MFAP1: variants seen among roughly 807,000 people sequenced by gnomAD.
MFAP1 encodes the protein microfibrillar-associated protein 1.
MFAP1 carries 18 observed loss-of-function variants against 62.2 expected under a neutral mutation model. That is an observed-to-expected ratio of 0.29 (90% CI 0.20 to 0.43). MFAP1 has a LOEUF of 0.43. Ranked by LOEUF, MFAP1 falls within the 20% of genes least tolerant of loss-of-function variation. MFAP1 has a pLI of 1.00. For synonymous variants in MFAP1, 175 were observed against 180.4 expected (o/e 0.97, Z 0.24); for missense variants, 355 against 559.7 (o/e 0.63, Z 3.69).
At chr15:43,819,561 C>T (rs942835839) in intron 1 of MFAP1, among the ~76,000 whole-genome samples, 4 of 151,984 alleles carry the variant, frequency 2.6e-5, no homozygotes, top group Non-Finnish European at 4.4e-5. Context: ...GATGGAGTCT[C>T]GCTCTGTTGC....
intron 2 of MFAP1, 103 bp from the exon 3 acceptor site, chr15:43,815,177 T>C: frequency 6.8e-7 from 1 of 1,467,892 alleles, no homozygotes; most frequent in Non-Finnish European, 9.2e-7. Context: ...CCTTCATTAA[T>C]ACTGAAGTTT....
At chr15:43,820,279 T>C (rs988333313) in intron 1 of MFAP1, among the ~76,000 whole-genome samples, 2 of 152,166 alleles carry the variant, frequency 1.3e-5, no homozygotes, top group Non-Finnish European at 2.9e-5. Context: ...ATCGCGCCAC[T>C]GCACTCCAGC....
At chr15:43,807,159 TG>T (rs919450919) in intron 7 of MFAP1, among the ~76,000 whole-genome samples, 3 of 151,726 alleles carry the variant, frequency 2.0e-5, no homozygotes, top group Admixed American at 6.6e-5. Context: ...AAGACCAGCC[TG>T]GCCAACATGG....
In MFAP1 at chr15:43,824,607, A is replaced by G. The variant is rs1288272241; in HGVS notation, c.-38T>C. On this transcript the variant is annotated 5_prime_UTR_variant, in exon 1 of 9. Transcript: ENST00000267812. ...GACGGTGATTCCCGAAACTTGACTA[A>G]TTCCAAACAGTGAACACCAGCAACG... 2 of 1,609,450 alleles carry G rather than the reference A, an allele frequency of 1.2e-6. No homozygotes were observed. Among genetic ancestry groups the G allele is most frequent in the South Asian group, 2.2e-5 (2 of 91,000 alleles).
At chr15:43,805,522 C>A (rs2087357155) in intron 7 of MFAP1, 57 bp from the exon 8 acceptor site, 4 of 1,397,302 alleles carry the variant, frequency 2.9e-6, no homozygotes, top group Admixed American at 2.3e-5. Context: ...ATTCAAACCA[C>A]AAATTTATTA....
At chr15:43,818,191 T>C (rs1445002932) in intron 1 of MFAP1, among the ~76,000 whole-genome samples, 2 of 152,056 alleles carry the variant, frequency 1.3e-5, no homozygotes, top group Non-Finnish European at 2.9e-5. Flanking sequence ...AGCTAATTTT[T>C]TGTATTTTTA....
At chr15:43,816,221 T>A (rs1381147416) in intron 2 of MFAP1, among the ~76,000 whole-genome samples, 1 of 150,410 alleles carries the variant, frequency 6.6e-6, no homozygotes, top group Admixed American at 6.8e-5. Context: ...CTGGGCACTG[T>A]AATTTTATTT....
chr15:43,807,788 C>G (rs188623032), intron 7 of MFAP1, among the ~76,000 whole-genome samples: 24 of 152,294 alleles, frequency 1.6e-4, no homozygotes, highest in African/African-American at 5.8e-4. Flanking sequence ...TGTATTCTCG[C>G]TAACAGTGCT....
intron 7 of MFAP1, among the ~76,000 whole-genome samples, chr15:43,808,802 T>C (rs2087381148): frequency 6.6e-6 from 1 of 152,258 alleles, no homozygotes; most frequent in African/African-American, 2.4e-5. Flanking sequence ...TGGGGATATT[T>C]AGAATTTGCC....
In MFAP1 at chr15:43,817,312, C is replaced by T; in HGVS notation, c.216G>A (p.Glu72=). 6.2e-7 allele frequency: 1 copy of T among 1,614,162 alleles called. No homozygotes were observed. Among genetic ancestry groups the T allele is most frequent in the Non-Finnish European group, 8.5e-7 (1 of 1,180,046 alleles). The change falls in exon 2 of 9, where the codon GAG becomes GAA. Residue 72 remains glutamate (E), a synonymous_variant. Coordinates refer to ENST00000267812, the MANE Select transcript of MFAP1 (RefSeq NM_005926.3). ...FIKKAKEQEA[E]PEEQEEDSSS... Reference sequence around the variant, plus strand: ...ATGAATCCTCCTCCTGTTCCTCAGGCTCTGCTTCTTGTTCTTTGGCTTTCT... The same window carrying T: ...ATGAATCCTCCTCCTGTTCCTCAGGTTCTGCTTCTTGTTCTTTGGCTTTCT...
chr15:43,809,859 T>C lies in MFAP1; in HGVS notation c.943A>G (p.Arg315Gly). The change falls in exon 7 of 9, where the codon AGG becomes GGG. Residue 315 changes from arginine to glycine, a missense_variant. Around this residue, in one of 6 missense-constraint regions of MFAP1, gnomAD observed 257 missense variants for 341.3 expected, o/e 0.75. Transcript: ENST00000267812. ...CCGTTTGCCCGAAGTTCAGCTCTCC[T>C]CTCTTCCTCAGTCAGGTTTCGCATG... ...ERMRNLTEEERRAELRANGKV... is the reference protein window; with the variant it reads ...ERMRNLTEEEGRAELRANGKV... 1 of 1,614,184 alleles carries C rather than the reference T, an allele frequency of 6.2e-7. No individual in the cohort carries two copies. The highest frequency in any genetic ancestry group is 8.5e-7 in the Non-Finnish European group (1 of 1,180,040).
At chr15:43,807,901 C>A (rs1212745467) in intron 7 of MFAP1, among the ~76,000 whole-genome samples, 4 of 152,130 alleles carry the variant, frequency 2.6e-5, no homozygotes, top group Non-Finnish European at 5.9e-5. Context: ...GTAATCCCAG[C>A]ACTTTGGGAG....
intron 2 of MFAP1, 145 bp from the exon 3 acceptor site, chr15:43,815,219 G>A (rs2087427006): frequency 7.8e-6 from 8 of 1,030,866 alleles, no homozygotes; most frequent in South Asian, 1.6e-5. Flanking sequence ...TTGCTCTGTC[G>A]CCCAGGCTGC....
chr15:43,819,923 G>C lies in MFAP1; in HGVS notation c.80-2475C>G, dbSNP rs778385778. ...AGCACTCTGGGAGGCCAAGGCGGAC[G>C]GATCACAACGTCAGGAAATTGAGAA... On this transcript the variant is annotated intron_variant, in intron 1 of 8. Transcript: ENST00000267812. 2.6e-5 allele frequency among the ~76,000 whole-genome samples: 4 copies of C among 152,222 alleles called. No individual in the cohort carries two copies. In the South Asian group the frequency reaches 8.3e-4, roughly 31 times the overall value.
chr15:43,813,395 T>C (rs1331888416), intron 4 of MFAP1, 38 bp from the exon 5 acceptor site: 31 of 1,571,544 alleles, frequency 2.0e-5, no homozygotes, highest in Non-Finnish European at 2.6e-5. Flanking sequence ...CCAAAGTCCT[T>C]AGAGTGGAGT....
intron 1 of MFAP1, among the ~76,000 whole-genome samples, 185 bp from the exon 2 acceptor site, chr15:43,817,633 C>T (rs1038434841): frequency 6.6e-6 from 1 of 152,152 alleles, no homozygotes; most frequent in Non-Finnish European, 1.5e-5. Context: ...AGTCATGAGA[C>T]TGCATCCTTG....
chr15:43,822,741 T>C (rs1350636307), intron 1 of MFAP1, among the ~76,000 whole-genome samples: 3 of 152,160 alleles, frequency 2.0e-5, no homozygotes, highest in South Asian at 4.1e-4. Context: ...TCATAGCTCA[T>C]TGCATCTTTG....
At chr15:43,823,811 A>C (rs894171935) in intron 1 of MFAP1, among the ~76,000 whole-genome samples, 2 of 152,326 alleles carry the variant, frequency 1.3e-5, no homozygotes, top group Admixed American at 6.5e-5. Flanking sequence ...ATCCAAAGAT[A>C]ATTCTCAAAA....
In MFAP1 at chr15:43,804,974, T is replaced by C; in HGVS notation, c.*120A>G. The C allele has an allele frequency of 1.8e-6, 2 of 1,103,572 alleles. No homozygotes were observed. Among genetic ancestry groups the C allele is most frequent in the Non-Finnish European group, 2.6e-6 (2 of 770,454 alleles). The allele number at this position is 1,103,572 out of a possible 1,614,324, so 68.4% of individuals were successfully genotyped here. ...AGTCTGGGCTACCCAGTATCACAAGTATAGCAGTAAGTCCAATATCTGGAT... is the reference window on the plus strand; with the variant it reads ...AGTCTGGGCTACCCAGTATCACAAGCATAGCAGTAAGTCCAATATCTGGAT... On this transcript the variant is annotated 3_prime_UTR_variant, in exon 9 of 9. Coordinates refer to ENST00000267812, the MANE Select transcript of MFAP1 (RefSeq NM_005926.3).
Sources: gnomAD v4.1 joint callset for allele counts (sites outside exome capture counted in the v4.1 genomes callset) on GRCh38, gnomAD v4.1.1 for gene constraint, gnomAD v4.1.1 regional missense constraint, MANE v1.5 for transcripts, NCBI Gene and HGNC (gene_info 2026-07-23, HGNC 2026-07-21) for gene names.